The following TARDBP variants were observed in gnomAD, a reference collection of about 807,000 sequenced individuals.
TARDBP encodes the protein TAR DNA binding protein.
Under a neutral mutation model 38.3 loss-of-function variants are expected in TARDBP, and 4 were observed. That is an observed-to-expected ratio of 0.10 (90% CI 0.05 to 0.24). The LOEUF is 0.24. Ranked by LOEUF, TARDBP falls within the 10% of genes least tolerant of loss-of-function variation. TARDBP has a pLI of 1.00. For missense variants in TARDBP, 202 were observed against 521.9 expected (o/e 0.39, Z 5.97); for synonymous variants, 184 against 183.8 (o/e 1.00, Z -0.01).
In TARDBP at chr1:11,023,867, G is replaced by A. The variant is rs1332435196; in HGVS notation, c.*1213G>A. The A allele has an allele frequency of 6.5e-6, 1 of 152,800 alleles. No homozygotes were observed. Among genetic ancestry groups the A allele is most frequent in the Non-Finnish European group, 1.5e-5 (1 of 68,178 alleles). The allele number at this position is 152,800 out of a possible 1,614,324, so 9.5% of individuals were successfully genotyped here. On this transcript the variant is annotated 3_prime_UTR_variant, in exon 6 of 6. Transcript: ENST00000240185. ...ACTGAGCTTGTGGTGTGCTTTGCAG[G>A]AGGACTTGAAGCAGAGTTCACCAGT...
chr1:11,027,654 GA>G (rs775463513), downstream of TARDBP: 1 of 1,589,914 alleles, frequency 6.3e-7, no homozygotes, highest in Admixed American at 1.8e-5. Context: ...ACAAACTGGA[GA>G]AAGAAGCAGA....
At chr1:11,014,204 TTGA>T (rs1643470562) in intron 2 of TARDBP, among the ~76,000 whole-genome samples, 1 of 152,212 alleles carries the variant, frequency 6.6e-6, no homozygotes. Flanking sequence ...CTTTGCCAAG[TTGA>T]TGATAAATTT....
At chr1:11,020,111 C>T (rs1557658702) in intron 4 of TARDBP, among the ~76,000 whole-genome samples, 1 of 151,982 alleles carries the variant, frequency 6.6e-6, no homozygotes. Context: ...CCACCCGCCT[C>T]GGCCTCTCAA....
At position 11,023,454 on chromosome 1, in the gene TARDBP, G is replaced by C; in HGVS notation, c.*800G>C. 1 of 610,864 alleles carries C rather than the reference G, an allele frequency of 1.6e-6. No individual in the cohort carries two copies. The highest frequency in any genetic ancestry group is 2.9e-6 in the Non-Finnish European group (1 of 349,086). 37.8% of individuals were successfully genotyped at this position (610,864 alleles called of 1,614,324 possible). A position where few individuals can be genotyped will look rare whatever the true frequency, so the allele number is the denominator to read the frequency against. The stretch of plus-strand genomic sequence containing the variant: ...TTTGAAACCTTGTGTGGGATTGATG[G>C]TGGTGCCGAGGCATGAAAGGCTAGT... On this transcript the variant is annotated 3_prime_UTR_variant, in exon 6 of 6. Transcript: ENST00000240185.
intron 1 of TARDBP, among the ~76,000 whole-genome samples, 182 bp from the exon 2 acceptor site, chr1:11,013,534 T>G (rs1220628929): frequency 6.6e-6 from 1 of 152,220 alleles, no homozygotes; most frequent in East Asian, 1.9e-4. Context: ...GCATCACATT[T>G]TGATAGGAAA....
chr1:11,021,202 G>A (rs1325579872), intron 5 of TARDBP, among the ~76,000 whole-genome samples: 4 of 151,548 alleles, frequency 2.6e-5, no homozygotes, highest in South Asian at 2.1e-4. Context: ...GTGATGGCGC[G>A]ATCTTGGCTC....
intron 2 of TARDBP, chr1:11,015,742 GTTGT>G (rs1381561998): frequency 1.6e-4 from 19 of 119,368 alleles, no homozygotes; most frequent in East Asian, 7.9e-4. Flanking sequence ...TTTTTTTGTT[GTTGT>G]TTGTTTGTTT....
intron 5 of TARDBP, among the ~76,000 whole-genome samples, chr1:11,020,912 CA>C (rs879777254): frequency 4.8e-4 from 69 of 145,108 alleles, no homozygotes; most frequent in African/African-American, 5.5e-4. Flanking sequence ...GACTCTGTCT[CA>C]AAAAAAAAAA....
Position 11,024,389 on chromosome 1 carries a change from T to C in TARDBP, c.*1735T>C, listed in dbSNP as rs1643692322. 6.6e-6 allele frequency: 1 copy of C among 152,612 alleles called. No homozygotes were observed. The highest frequency in any genetic ancestry group is 6.5e-5 in the Admixed American group (1 of 15,288). 9.5% of individuals were successfully genotyped at this position (152,612 alleles called of 1,614,324 possible). On this transcript the variant is annotated 3_prime_UTR_variant, in exon 6 of 6. Transcript: ENST00000240185. ...GTGCCTCTGTGCATTTGGGTGATGTTCTATTTACATGGCCTGTGTAAATCT... is the reference window on the plus strand; with the variant it reads ...GTGCCTCTGTGCATTTGGGTGATGTCCTATTTACATGGCCTGTGTAAATCT...
chr1:11,027,069 T>A, downstream of TARDBP: 1 of 1,594,086 alleles, frequency 6.3e-7, no homozygotes, highest in Non-Finnish European at 8.5e-7. Context: ...GCAGCTGTCC[T>A]TGCCCCCACT....
At chr1:11,027,888 T>G (rs1460476787), downstream of TARDBP, among the ~76,000 whole-genome samples, 2 of 152,188 alleles carry the variant, frequency 1.3e-5, no homozygotes, top group African/African-American at 4.8e-5. Flanking sequence ...AAACTGACTT[T>G]TAGAAGTTAT....
chr1:11,020,811 G>A (rs1643622440), intron 5 of TARDBP, among the ~76,000 whole-genome samples: 1 of 151,912 alleles, frequency 6.6e-6, no homozygotes, highest in African/African-American at 2.4e-5. Context: ...CTACTCTGGA[G>A]CCTGAGGCAG....
downstream of TARDBP, chr1:11,027,524 A>C (rs200629024): frequency 1.9e-6 from 3 of 1,614,182 alleles, no homozygotes; most frequent in South Asian, 2.2e-5. Context: ...CCCAGTTGTC[A>C]TATAAAAGTG....
downstream of TARDBP, among the ~76,000 whole-genome samples, chr1:11,028,744 C>T (rs566381102): frequency 8.7e-4 from 124 of 142,208 alleles, no homozygotes; most frequent in African/African-American, 3.0e-3. Flanking sequence ...GACAGAGTCT[C>T]GCTCTGTCAC....
At chr1:11,020,769 C>T (rs1643621055) in intron 5 of TARDBP, among the ~76,000 whole-genome samples, 170 bp downstream of exon 5, 2 of 151,322 alleles carry the variant, frequency 1.3e-5, no homozygotes, top group African/African-American at 4.9e-5. Context: ...AAAAAAATAG[C>T]TCGGTGTGGT....
downstream of TARDBP, chr1:11,026,835 C>A: frequency 7.0e-7 from 1 of 1,437,996 alleles, no homozygotes; most frequent in Non-Finnish European, 9.2e-7. Flanking sequence ...CTGCCAAGGT[C>A]TTCACAGGCA....
At chr1:11,027,595 C>T (rs754534179), downstream of TARDBP, 6 of 1,614,134 alleles carry the variant, frequency 3.7e-6, no homozygotes, top group South Asian at 5.5e-5. Flanking sequence ...CCAGGTTTTG[C>T]CTTTTGCCCT....
At chr1:11,027,449 C>T (rs1643756784), downstream of TARDBP, 1 of 1,613,966 alleles carries the variant, frequency 6.2e-7, no homozygotes, top group Non-Finnish European at 8.5e-7. Context: ...TCAGGGTGCC[C>T]ATTCGAATGT....
chr1:11,022,217 T>C lies in TARDBP; in HGVS notation c.808T>C (p.Leu270=), dbSNP rs750267756. 1 of 1,613,824 alleles carries C rather than the reference T, an allele frequency of 6.2e-7. No individual in the cohort carries two copies. The highest frequency in any genetic ancestry group is 8.5e-7 in the Non-Finnish European group (1 of 1,179,830). ...ACCTAAGCACAATAGCAATAGACAG[T>C]TAGAAAGAAGTGGAAGATTTGGTGG... The part of the protein sequence containing the change: ...AEPKHNSNRQ[L]ERSGRFGGNP... Residue 270 remains leucine (L), a synonymous_variant, in exon 6 of 6, where the codon TTA becomes CTA. Coordinates refer to ENST00000240185, the MANE Select transcript of TARDBP (RefSeq NM_007375.4). This position sits in a 1 kb window ranked among gnomAD's most constrained non-coding sequence, Gnocchi z 4.5.
Sources: gnomAD v4.1 joint callset for allele counts (sites outside exome capture counted in the v4.1 genomes callset) on GRCh38, gnomAD v4.1.1 for gene constraint, Gnocchi (gnomAD v3.1) non-coding constraint, MANE v1.5 for transcripts, NCBI Gene and HGNC (gene_info 2026-07-23, HGNC 2026-07-21) for gene names.